KIF1A: variants seen among roughly 807,000 people sequenced by gnomAD.
KIF1A encodes kinesin family member 1A, also known as kinesin-like protein KIF1A.
Under a neutral mutation model 227.3 loss-of-function variants are expected in KIF1A, and 46 were observed. The ratio of observed to expected loss-of-function variants is 0.20; its 90% CI spans 0.16 to 0.26. The LOEUF is 0.26. Among genes scored for constraint, KIF1A ranks in the 10% least tolerant of loss-of-function variants. The pLI is 1.00. For synonymous variants in KIF1A, 1,022 were observed against 1,012.8 expected (o/e 1.01, Z -0.17); for missense variants, 1,683 against 2,485.9 (o/e 0.68, Z 6.87).
chr2:240,724,112 T>C lies in KIF1A; in HGVS notation c.4257-76A>G, dbSNP rs1575522828. 3.1e-6 allele frequency: 4 copies of C among 1,302,914 alleles called. No individual in the cohort carries two copies. In the East Asian group the frequency reaches 9.2e-5, roughly 30 times the overall value. 80.7% of individuals were successfully genotyped at this position (1,302,914 alleles called of 1,614,324 possible). On this transcript the variant is annotated intron_variant, in intron 40 of 48. Coordinates refer to ENST00000498729, the MANE Select transcript of KIF1A (RefSeq NM_001244008.2). ...ACACACAGCCAGCCTGGCTGCTGAC[T>C]TGCCCCACTATCAAACGCACAGTCA...
rs1247005644 is a variant in KIF1A, at chr2:240,740,770, G to A, written c.3750-406C>T. ...CATCTAAGGCTCCTGTCCCACTCTG[G>A]GCAAGGATCCGAGTCTCCACCAGGC... On this transcript the variant is annotated intron_variant, in intron 35 of 48. Coordinates refer to ENST00000498729, the MANE Select transcript of KIF1A (RefSeq NM_001244008.2). This position sits in a 1 kb window ranked among gnomAD's most constrained non-coding sequence, Gnocchi z 6.1. 2.0e-5 allele frequency among the ~76,000 whole-genome samples: 3 copies of A among 151,966 alleles called. No homozygotes were observed. Among genetic ancestry groups the A allele is most frequent in the African/African-American group, 7.3e-5 (3 of 41,364 alleles).
Position 240,731,665 on chromosome 2 carries a change from T to C in KIF1A, c.4008-4725A>G, listed in dbSNP as rs375023938. On this transcript the variant is annotated intron_variant, in intron 38 of 48. Coordinates refer to ENST00000498729, the MANE Select transcript of KIF1A (RefSeq NM_001244008.2). ...TTTCCACTCTCCCCTCCACCTCTGC[T>C]CATGGGCTCCTTTTGTGCCCCCAGC... is the stretch of plus-strand genomic sequence containing the variant. 7.2e-5 allele frequency among the ~76,000 whole-genome samples: 11 copies of C among 152,252 alleles called. No homozygotes were observed. In the East Asian group the frequency reaches 2.1e-3, roughly 29 times the overall value.
rs1357702777 is a variant in KIF1A at position 240,758,124 on chromosome 2, T to A, written c.2582+236A>T. On this transcript the variant is annotated intron_variant, in intron 26 of 48. Transcript: ENST00000498729. The surrounding 1 kb of genome is among the most constrained non-coding windows in gnomAD (Gnocchi z 5.2). ...CTGGCGGCTACAGCCCTGCAGTGGG[T>A]TTGGGTGGCAGTGCCAAGACCCCAT... Among the ~76,000 whole-genome samples, 1 of 152,032 alleles carries A rather than the reference T, an allele frequency of 6.6e-6. No individual in the cohort carries two copies. Among genetic ancestry groups the A allele is most frequent in the East Asian group, 1.9e-4 (1 of 5,184 alleles).
In KIF1A at chr2:240,758,596, C is replaced by CCTG; in HGVS notation, c.2445-100_2445-99insCAG. 8.0e-7 allele frequency: 1 copy of CCTG among 1,253,056 alleles called. No homozygotes were observed. The highest frequency in any genetic ancestry group is 1.1e-6 in the Non-Finnish European group (1 of 949,942). 77.6% of individuals were successfully genotyped at this position (1,253,056 alleles called of 1,614,324 possible). A position where few individuals can be genotyped will look rare whatever the true frequency, so the allele number is the denominator to read the frequency against. On this transcript the variant is annotated intron_variant, in intron 25 of 48. Transcript: ENST00000498729. This position sits in a 1 kb window ranked among gnomAD's most constrained non-coding sequence, Gnocchi z 5.2. The stretch of plus-strand genomic sequence containing the variant: ...TGGGGACAGTGGGCTCAGCCTAGCT[C>CCTG]TGGCCACCACATCCAGCTCAGGGTC...
intron 19 of KIF1A, 123 bp from the exon 20 acceptor site, chr2:240,765,916 C>A: frequency 1.4e-6 from 1 of 711,328 alleles, no homozygotes; most frequent in Non-Finnish European, 2.5e-6. Context: ...TTCCCTGCTA[C>A]ACAGGCCGTG....
At chr2:240,808,609 C>T (rs2057616356) in intron 1 of KIF1A, among the ~76,000 whole-genome samples, 1 of 151,956 alleles carries the variant, frequency 6.6e-6, no homozygotes, top group Non-Finnish European at 1.5e-5. Context: ...GAGTTCGAGG[C>T]TGCGGTGAGC....
chr2:240,775,769 G>A lies in KIF1A; in HGVS notation c.958+82C>T, dbSNP rs2052646416. On this transcript the variant is annotated intron_variant, in intron 11 of 48. Transcript: ENST00000498729. The surrounding 1 kb of genome is among the most constrained non-coding windows in gnomAD (Gnocchi z 5.5). ...AAGGGTGAGAGGCCTGCTGGCGACT[G>A]GGCACCCCCTCAGTGGGGAAGAAGG... is the stretch of plus-strand genomic sequence containing the variant. 1.1e-6 allele frequency: 1 copy of A among 936,140 alleles called. No individual in the cohort carries two copies. The highest frequency in any genetic ancestry group is 1.8e-6 in the Non-Finnish European group (1 of 568,138). The allele number at this position is 936,140 out of a possible 1,614,324, so 58.0% of individuals were successfully genotyped here.
rs1307770878 is a variant in KIF1A at position 240,792,850 on chromosome 2, G to T, written c.107-3538C>A. 6.6e-6 allele frequency among the ~76,000 whole-genome samples: 1 copy of T among 152,132 alleles called. No individual in the cohort carries two copies. Among genetic ancestry groups the T allele is most frequent in the African/African-American group, 2.4e-5 (1 of 41,430 alleles). On this transcript the variant is annotated intron_variant, in intron 2 of 48. Coordinates refer to ENST00000498729, the MANE Select transcript of KIF1A (RefSeq NM_001244008.2). The surrounding 1 kb of genome is among the most constrained non-coding windows in gnomAD (Gnocchi z 4.5). ...AAGGGACCCGAGCTCCCTGGGCCAG[G>T]CAAGGACACAGCAGGAAGGCAGCAG...
At position 240,740,421 on chromosome 2, in the gene KIF1A, C is replaced by T. The variant is rs1239592764; in HGVS notation, c.3750-57G>A. 10 of 1,429,982 alleles carry T rather than the reference C, an allele frequency of 7.0e-6. No individual in the cohort carries two copies. Among genetic ancestry groups the T allele is most frequent in the Non-Finnish European group, 8.9e-6 (9 of 1,015,322 alleles). The allele number at this position is 1,429,982 out of a possible 1,614,324, so 88.6% of individuals were successfully genotyped here. ...CAGCCCCTCCTCTCTGCCCTCCCCGCAGCACAGGACACAGTGGACGGGAGC... is the reference window on the plus strand; with the variant it reads ...CAGCCCCTCCTCTCTGCCCTCCCCGTAGCACAGGACACAGTGGACGGGAGC... On this transcript the variant is annotated intron_variant, in intron 35 of 48. Coordinates refer to ENST00000498729, the MANE Select transcript of KIF1A (RefSeq NM_001244008.2). This position sits in a 1 kb window ranked among gnomAD's most constrained non-coding sequence, Gnocchi z 6.1.
In KIF1A at chr2:240,752,365, CG is replaced by C. The variant is rs1044434225; in HGVS notation, c.2859-1819del. Among the ~76,000 whole-genome samples, 3 of 152,100 alleles carry C rather than the reference CG, an allele frequency of 2.0e-5. No homozygotes were observed. Among genetic ancestry groups the C allele is most frequent in the Non-Finnish European group, 4.4e-5 (3 of 68,016 alleles). ...CGAGAGGACACTGAGGCCCACAGGG[CG>C]GGGCCCCTCCCCACAGTCCTGCTGG... On this transcript the variant is annotated intron_variant, in intron 27 of 48. Coordinates refer to ENST00000498729, the MANE Select transcript of KIF1A (RefSeq NM_001244008.2). This position sits in a 1 kb window ranked among gnomAD's most constrained non-coding sequence, Gnocchi z 6.4.
Position 240,747,264 on chromosome 2 carries a change from A to G in KIF1A, c.3035T>C (p.Ile1012Thr), listed in dbSNP as rs776489324. 1 of 1,613,500 alleles carries G rather than the reference A, an allele frequency of 6.2e-7. No homozygotes were observed. Among genetic ancestry groups the G allele is most frequent in the Non-Finnish European group, 8.5e-7 (1 of 1,179,644 alleles). ...SGVRQSGTAK[I>T]SFDDQHFEKF... Reference sequence around the variant, plus strand: ...TTCAAAATGCTGGTCATCAAAGGAGATTTTAGCAGTTCCCGACTGGCGGAC... The same window carrying G: ...TTCAAAATGCTGGTCATCAAAGGAGGTTTTAGCAGTTCCCGACTGGCGGAC... Residue 1012 changes from isoleucine to threonine, a missense_variant, in exon 29 of 49, where the codon ATC (isoleucine) becomes ACC (threonine). By Grantham distance (89) the Ile-to-Thr change is moderately conservative. Transcript: ENST00000498729.
chr2:240,810,633 A>G (rs1016329905), intron 1 of KIF1A, among the ~76,000 whole-genome samples: 7 of 152,246 alleles, frequency 4.6e-5, no homozygotes, highest in African/African-American at 1.4e-4. Context: ...GAATGGAGAC[A>G]GCCCAAATGC....
intron 1 of KIF1A, among the ~76,000 whole-genome samples, chr2:240,814,976 C>T (rs1691587327): frequency 6.6e-6 from 1 of 152,222 alleles, no homozygotes. Flanking sequence ...CAACCAAGAA[C>T]ATCTTGCCTA....
At chr2:240,732,556 A>G in intron 38 of KIF1A, among the ~76,000 whole-genome samples, 2 of 51,430 alleles carry the variant, frequency 3.9e-5, no homozygotes, top group African/African-American at 8.1e-5. Context: ...TGAGGGAGGG[A>G]TGGGGGATGA....
intron 1 of KIF1A, among the ~76,000 whole-genome samples, chr2:240,800,876 G>A (rs560724653): frequency 1.3e-5 from 2 of 152,354 alleles, no homozygotes; most frequent in Admixed American, 6.5e-5. Context: ...CCTAAGAGCA[G>A]GGCAGAGCCA....
intron 10 of KIF1A, among the ~76,000 whole-genome samples, chr2:240,780,772 A>ACACACACACACACACACACACAGCTC (rs2126017912): frequency 4.5e-5 from 5 of 110,076 alleles, no homozygotes; most frequent in East Asian, 3.1e-4. Context: ...ACACAGCTCC[A>ACACACACACACACACACACACAGCTC]CACACACACA....
chr2:240,781,722 G>C, intron 10 of KIF1A: 1 of 978,248 alleles, frequency 1.0e-6, no homozygotes, highest in South Asian at 4.7e-5. Flanking sequence ...TTTCCCACAC[G>C]CTTCCTCTCC....
chr2:240,739,978 C>A lies in KIF1A; in HGVS notation c.3901+80G>T. The A allele has an allele frequency of 8.8e-7, 1 of 1,132,450 alleles. No homozygotes were observed. Among genetic ancestry groups the A allele is most frequent in the Admixed American group, 2.0e-5 (1 of 49,932 alleles). The allele number at this position is 1,132,450 out of a possible 1,614,324, so 70.2% of individuals were successfully genotyped here. ...AACAGACGCAGAGGTGTGGTTAGAA[C>A]CCGGGTATCCAGCTCAGGGCCTGTA... On this transcript the variant is annotated intron_variant, in intron 37 of 48. Coordinates refer to ENST00000498729, the MANE Select transcript of KIF1A (RefSeq NM_001244008.2). The surrounding 1 kb of genome is among the most constrained non-coding windows in gnomAD (Gnocchi z 5.6).
At chr2:240,760,590 T>A in intron 25 of KIF1A, 75 bp downstream of exon 25, 1 of 1,223,690 alleles carries the variant, frequency 8.2e-7, no homozygotes, top group Non-Finnish European at 1.1e-6. Flanking sequence ...AGCCTGTGCC[T>A]ACCACCGCTC....
Sources: gnomAD v4.1 joint callset for allele counts (sites outside exome capture counted in the v4.1 genomes callset) on GRCh38, gnomAD v4.1.1 for gene constraint, Gnocchi (gnomAD v3.1) non-coding constraint, MANE v1.5 for transcripts, NCBI Gene and HGNC (gene_info 2026-07-23, HGNC 2026-07-21) for gene names.